LHPP: variants seen among roughly 807,000 people sequenced by gnomAD.
The protein encoded by LHPP is hLHPP.
In LHPP, 24 loss-of-function variants were observed where a neutral mutation model predicts 30.3. The ratio of observed to expected loss-of-function variants is 0.79; its 90% CI spans 0.57 to 1.11. The LOEUF is 1.11. Ranked by LOEUF, LHPP falls within the 50% of genes most tolerant of loss-of-function variation. The pLI, the probability that LHPP is intolerant of heterozygous loss-of-function variation, is 0.00. For missense variants in LHPP, 356 were observed against 367.2 expected, an observed-to-expected ratio of 0.97 and a Z score of 0.25; for synonymous variants, 150 against 157.1, an observed-to-expected ratio of 0.95 and a Z score of 0.34.
intron 6 of LHPP, among the ~76,000 whole-genome samples, chr10:124,612,421 A>G (rs1268552362): frequency 6.6e-6 from 1 of 152,016 alleles, no homozygotes; most frequent in African/African-American, 2.4e-5. Flanking sequence ...ATAAAAAATA[A>G]AAAAGGCTCT....
chr10:124,518,526 G>A (rs1477169685), intron 6 of LHPP, among the ~76,000 whole-genome samples: 1 of 152,242 alleles, frequency 6.6e-6, no homozygotes, highest in Admixed American at 6.5e-5. Flanking sequence ...AGCCCAGCCC[G>A]GCGCCCCATG....
chr10:124,488,682 G>A, intron 3 of LHPP, 107 bp downstream of exon 3: 1 of 905,540 alleles, frequency 1.1e-6, no homozygotes, highest in Non-Finnish European at 1.7e-6. Context: ...GAGGTGGGAG[G>A]AGCACCGGTG....
chr10:124,557,882 C>T (rs913262567), intron 6 of LHPP, among the ~76,000 whole-genome samples: 7 of 152,176 alleles, frequency 4.6e-5, no homozygotes, highest in South Asian at 2.1e-4. Context: ...CACATGAGCC[C>T]GTGGACATCT....
chr10:124,585,946 A>G (rs1370664669), intron 6 of LHPP, among the ~76,000 whole-genome samples: 1 of 152,042 alleles, frequency 6.6e-6, no homozygotes. Flanking sequence ...CACCACACCC[A>G]GCTAATTTTT....
intron 5 of LHPP, among the ~76,000 whole-genome samples, chr10:124,499,158 G>T (rs112411137): frequency 0.083 from 12,642 of 151,846 alleles, 892 homozygotes; most frequent in South Asian, 0.3. Flanking sequence ...GGGATTACAG[G>T]TGTGAGCCAC....
At chr10:124,521,726 C>T (rs921494260) in intron 6 of LHPP, among the ~76,000 whole-genome samples, 6 of 152,300 alleles carry the variant, frequency 3.9e-5, no homozygotes, top group Admixed American at 2.0e-4. Context: ...GTGGGGGCAG[C>T]GGTCAGTCCT....
chr10:124,576,354 AC>A lies in LHPP; in HGVS notation c.717-36906del, dbSNP rs1390804925. On this transcript the variant is annotated intron_variant, in intron 6 of 6. Coordinates refer to ENST00000368842, the MANE Select transcript of LHPP (RefSeq NM_022126.4). This position sits in a 1 kb window ranked among gnomAD's most constrained non-coding sequence, Gnocchi z 4.2. The stretch of plus-strand genomic sequence containing the variant: ...GGCGCTGGGGTGGCAGCAGGGCCAG[AC>A]CCCACTTCAGGGGTTGCCCCCAGGA... Among the ~76,000 whole-genome samples, 1 of 151,892 alleles carries A rather than the reference AC, an allele frequency of 6.6e-6. No individual in the cohort carries two copies. The highest frequency in any genetic ancestry group is 1.5e-5 in the Non-Finnish European group (1 of 67,930).
At chr10:124,597,763 TG>T in intron 6 of LHPP, among the ~76,000 whole-genome samples, 1 of 151,934 alleles carries the variant, frequency 6.6e-6, no homozygotes, top group East Asian at 1.9e-4. Context: ...TGCCCCTGGG[TG>T]GGGGGTGCAT....
intron 6 of LHPP, among the ~76,000 whole-genome samples, chr10:124,528,158 G>A (rs1461649766): frequency 6.6e-6 from 1 of 152,156 alleles, no homozygotes; most frequent in Non-Finnish European, 1.5e-5. Context: ...TCGGCCCCTA[G>A]AGTGAGGGCC....
At position 124,548,041 on chromosome 10, in the gene LHPP, C is replaced by T. The variant is rs554346106; in HGVS notation, c.716+30770C>T. On this transcript the variant is annotated intron_variant, in intron 6 of 6. Coordinates refer to ENST00000368842, the MANE Select transcript of LHPP (RefSeq NM_022126.4). ...GTGGATGGGTGTGTTCCGAGTTCTC[C>T]GGTCAGCAAGCTCCCTTTGTCTCTA... 5.3e-5 allele frequency among the ~76,000 whole-genome samples: 8 copies of T among 152,318 alleles called. No homozygotes were observed. The South Asian group carries it at 1.0e-3, about 20-fold the overall frequency.
chr10:124,545,754 A>T (rs1387425347), intron 6 of LHPP, among the ~76,000 whole-genome samples: 1 of 152,114 alleles, frequency 6.6e-6, no homozygotes, highest in Non-Finnish European at 1.5e-5. Flanking sequence ...GATTTTTTTA[A>T]TCTTTCCCAA....
At chr10:124,527,572 T>C (rs1954774272) in intron 6 of LHPP, among the ~76,000 whole-genome samples, 1 of 152,096 alleles carries the variant, frequency 6.6e-6, no homozygotes, top group African/African-American at 2.4e-5. Context: ...CCCAGCCTGG[T>C]AGCCCCGGGT....
chr10:124,497,078 C>T, intron 4 of LHPP, 54 bp downstream of exon 4: 3 of 1,408,212 alleles, frequency 2.1e-6, no homozygotes, highest in Non-Finnish European at 3.0e-6. Flanking sequence ...GCACCTGGGA[C>T]TTTTTGGGTC....
intron 3 of LHPP, among the ~76,000 whole-genome samples, chr10:124,490,994 C>T (rs1050215770): frequency 3.3e-5 from 5 of 151,648 alleles, no homozygotes; most frequent in Admixed American, 1.3e-4. Flanking sequence ...TCTGGAATCA[C>T]AGGGTTCTGC....
rs11245308 is a variant in LHPP, at chr10:124,596,868, G to A, written c.717-16396G>A. 0.095 allele frequency among the ~76,000 whole-genome samples: 14,411 copies of A among 152,254 alleles called. 734 individuals are homozygous for A. The highest frequency in any genetic ancestry group is 0.14 in the Admixed American group (2,192 of 15,290). ...GCTGGTAAAGTTTTGTTTCTGGCTG[G>A]TTAAGTGTGTCTGTGAGGGTGTTGC... On this transcript the variant is annotated intron_variant, in intron 6 of 6. Coordinates refer to ENST00000368842, the MANE Select transcript of LHPP (RefSeq NM_022126.4). The surrounding 1 kb of genome is among the most constrained non-coding windows in gnomAD (Gnocchi z 4.6).
intron 6 of LHPP, among the ~76,000 whole-genome samples, chr10:124,586,707 C>T (rs909222526): frequency 6.6e-6 from 1 of 152,106 alleles, no homozygotes; most frequent in African/African-American, 2.4e-5. Flanking sequence ...CACAGAGGCC[C>T]CGAGGCGAGA....
chr10:124,479,022 T>C (rs1047245115), intron 1 of LHPP, among the ~76,000 whole-genome samples: 1 of 150,604 alleles, frequency 6.6e-6, no homozygotes, highest in Non-Finnish European at 1.5e-5. Flanking sequence ...TGAGCTGAGA[T>C]TGTGCCATTG....
chr10:124,480,953 G>A (rs1001649378), intron 1 of LHPP, among the ~76,000 whole-genome samples: 1 of 152,172 alleles, frequency 6.6e-6, no homozygotes, highest in Non-Finnish European at 1.5e-5. Flanking sequence ...GTCTGTTTCT[G>A]TTGGGGGTTA....
rs1589859989 is a variant in LHPP, at chr10:124,554,019, G to A, written c.716+36748G>A. The A allele has an allele frequency of 3.0e-6, 3 of 985,332 alleles. No homozygotes were observed. In the East Asian group the frequency reaches 3.4e-4, roughly 112 times the overall value. 61.0% of individuals were successfully genotyped at this position (985,332 alleles called of 1,614,324 possible). On this transcript the variant is annotated intron_variant, in intron 6 of 6. Transcript: ENST00000368842. The stretch of plus-strand genomic sequence containing the variant: ...ACAGCTCCATGTGAGTCTTCTTCGA[G>A]AGACTCCACTGCAGATAGAAGAAGG...
Sources: allele counts gnomAD v4.1 joint callset (sites outside exome capture counted in the v4.1 genomes callset), GRCh38; gene constraint gnomAD v4.1.1; non-coding constraint Gnocchi (gnomAD v3.1); transcripts MANE v1.5; gene names NCBI Gene and HGNC (gene_info 2026-07-23, HGNC 2026-07-21).